The following WASF3 variants were observed in gnomAD, a reference collection of about 807,000 sequenced individuals.
The protein encoded by WASF3 is actin-binding protein WASF3.
In WASF3, 11 loss-of-function variants were observed where a neutral mutation model predicts 46.6. The observed-to-expected ratio is 0.24, with a 90% CI of 0.15 to 0.39. WASF3 has a LOEUF of 0.39. Among genes scored for constraint, WASF3 ranks in the 10% least tolerant of loss-of-function variants. WASF3 has a pLI of 1.00. For missense variants in WASF3, 576 were observed against 669.8 expected, an observed-to-expected ratio of 0.86 and a Z score of 1.55; for synonymous variants, 242 against 259.7, an observed-to-expected ratio of 0.93 and a Z score of 0.65.
At chr13:26,654,568 C>T (rs938701548) in intron 3 of WASF3, among the ~76,000 whole-genome samples, 6 of 151,966 alleles carry the variant, frequency 3.9e-5, no homozygotes, top group Admixed American at 1.3e-4. Context: ...GATACACAGT[C>T]GATGCTTGAA....
intron 1 of WASF3, among the ~76,000 whole-genome samples, chr13:26,560,044 C>T (rs1042606895): frequency 1.3e-5 from 2 of 151,980 alleles, no homozygotes; most frequent in African/African-American, 2.4e-5. Context: ...TCTCGAACTC[C>T]TGACCTCAGG....
intron 2 of WASF3, among the ~76,000 whole-genome samples, chr13:26,627,618 C>T (rs899773580): frequency 3.9e-5 from 6 of 152,002 alleles, no homozygotes; most frequent in African/African-American, 9.7e-5. Flanking sequence ...ACAATTAAAA[C>T]GAAGGCTAAG....
At chr13:26,629,947 G>A (rs1190915875) in intron 2 of WASF3, among the ~76,000 whole-genome samples, 2 of 151,888 alleles carry the variant, frequency 1.3e-5, no homozygotes, top group Non-Finnish European at 2.9e-5. Flanking sequence ...GCTGGAGCTT[G>A]CCACAAACTC....
At chr13:26,582,318 G>A (rs1269948310) in intron 1 of WASF3, among the ~76,000 whole-genome samples, 2 of 152,038 alleles carry the variant, frequency 1.3e-5, no homozygotes, top group African/African-American at 2.4e-5. Flanking sequence ...TGACTCTGTT[G>A]TTTATTAGCT....
At chr13:26,660,544 C>A (rs1219829034) in intron 3 of WASF3, among the ~76,000 whole-genome samples, 2 of 151,682 alleles carry the variant, frequency 1.3e-5, no homozygotes, top group Non-Finnish European at 2.9e-5. Context: ...TGGGGTTGGG[C>A]AGAATGGGGA....
the WASF3 span, among the ~76,000 whole-genome samples, chr13:26,540,019 G>T: frequency 2.0e-5 from 3 of 152,144 alleles, no homozygotes; most frequent in African/African-American, 7.2e-5. Flanking sequence ...ATGAAGTCCA[G>T]TGCAGGCATT....
chr13:26,645,956 T>TA (rs1465462344), intron 3 of WASF3, among the ~76,000 whole-genome samples: 8 of 152,194 alleles, frequency 5.3e-5, no homozygotes, highest in Non-Finnish European at 1.0e-4. Flanking sequence ...GAACTGAAGT[T>TA]ACAGGACAAA....
At chr13:26,544,652 A>C in the WASF3 span, among the ~76,000 whole-genome samples, 1 of 152,254 alleles carries the variant, frequency 6.6e-6, no homozygotes, top group Non-Finnish European at 1.5e-5. Context: ...CTATAGAAGA[A>C]TCACAGTAAG....
intron 1 of WASF3, among the ~76,000 whole-genome samples, chr13:26,565,247 G>T (rs1879428482): frequency 6.6e-6 from 1 of 151,512 alleles, no homozygotes; most frequent in Non-Finnish European, 1.5e-5. Context: ...CTTGCTTCCT[G>T]TGGTACACGG....
intron 7 of WASF3, among the ~76,000 whole-genome samples, chr13:26,678,093 C>G (rs543908973): frequency 4.7e-5 from 7 of 149,840 alleles, no homozygotes; most frequent in Non-Finnish European, 1.0e-4. Flanking sequence ...ATCTGCGTTT[C>G]TCTTAATTTT....
chr13:26,655,567 C>G (rs1021614751), intron 3 of WASF3, among the ~76,000 whole-genome samples: 5 of 152,068 alleles, frequency 3.3e-5, no homozygotes, highest in African/African-American at 9.7e-5. Context: ...TTCTATGAAC[C>G]CACTAGTCTC....
At chr13:26,546,497 T>C in the WASF3 span, among the ~76,000 whole-genome samples, 1 of 152,164 alleles carries the variant, frequency 6.6e-6, no homozygotes, top group Non-Finnish European at 1.5e-5. Context: ...GAGGACCTGG[T>C]CAGGTCAGGT....
intron 5 of WASF3, among the ~76,000 whole-genome samples, 173 bp downstream of exon 5, chr13:26,667,843 A>G (rs148479716): frequency 2.1e-3 from 322 of 152,338 alleles, no homozygotes; most frequent in African/African-American, 7.4e-3. Flanking sequence ...GAAACTACTC[A>G]TTGGTACATA....
chr13:26,667,778 G>T (rs1388029815), intron 5 of WASF3, 108 bp downstream of exon 5: 2 of 1,107,628 alleles, frequency 1.8e-6, no homozygotes, highest in African/African-American at 3.2e-5. Context: ...GGTTCATCTG[G>T]GTTAAAATCA....
At chr13:26,600,762 G>A (rs1226047440) in intron 1 of WASF3, among the ~76,000 whole-genome samples, 2 of 152,132 alleles carry the variant, frequency 1.3e-5, no homozygotes, top group African/African-American at 4.8e-5. Context: ...AGGAGCATCC[G>A]CTCTGCATTA....
intron 3 of WASF3, among the ~76,000 whole-genome samples, chr13:26,652,600 A>G (rs1471076058): frequency 6.6e-6 from 1 of 152,216 alleles, no homozygotes; most frequent in Non-Finnish European, 1.5e-5. Context: ...CCAAAACGGG[A>G]CATCTGGTAG....
At chr13:26,645,569 A>G (rs1318284891) in intron 3 of WASF3, among the ~76,000 whole-genome samples, 2 of 152,154 alleles carry the variant, frequency 1.3e-5, no homozygotes, top group South Asian at 4.2e-4. Context: ...TGTGATTATC[A>G]GCAGCCTAAA....
chr13:26,599,881 G>A (rs1426749632), intron 1 of WASF3, among the ~76,000 whole-genome samples: 2 of 152,174 alleles, frequency 1.3e-5, no homozygotes, highest in African/African-American at 4.8e-5. Flanking sequence ...GATTCATTGA[G>A]GCAAAGTGGA....
In WASF3 at chr13:26,658,312, T is replaced by C. The variant is rs113726537; in HGVS notation, c.134-6716T>C. Reference sequence around the variant, plus strand: ...AATAATTGGTTTCATTTTGTGACTATGTCAGACATTCAGAAATAAAGAACT... The same window carrying C: ...AATAATTGGTTTCATTTTGTGACTACGTCAGACATTCAGAAATAAAGAACT... On this transcript the variant is annotated intron_variant, in intron 3 of 9. Transcript: ENST00000335327. Among the ~76,000 whole-genome samples, 4 of 152,334 alleles carry C rather than the reference T, an allele frequency of 2.6e-5. 1 individual carries two copies. The highest frequency in any genetic ancestry group is 9.6e-5 in the African/African-American group (4 of 41,588).
Sources: allele counts gnomAD v4.1 joint callset (sites outside exome capture counted in the v4.1 genomes callset), GRCh38; gene constraint gnomAD v4.1.1; transcripts MANE v1.5; gene names NCBI Gene and HGNC (gene_info 2026-07-23, HGNC 2026-07-21).